The following RBFOX1 variants were observed in gnomAD, a reference collection of about 807,000 sequenced individuals.
The protein encoded by RBFOX1 is RNA binding fox-1 homolog 1, also known as RNA binding protein fox-1 homolog 1.
A neutral mutation model predicts 57.7 loss-of-function variants in RBFOX1; 8 were observed. That is an observed-to-expected ratio of 0.14 (90% CI 0.08 to 0.25). The LOEUF is 0.25. Among genes scored for constraint, RBFOX1 ranks in the 10% least tolerant of loss-of-function variants. The pLI is 1.00. For synonymous variants in RBFOX1, 326 were observed against 222.4 expected (o/e 1.47, Z -4.15); for missense variants, 611 against 548.5 (o/e 1.11, Z -1.14).
chr16:7,017,321 C>G (rs964425309), intron 3 of RBFOX1, among the ~76,000 whole-genome samples: 3 of 152,142 alleles, frequency 2.0e-5, no homozygotes, highest in Non-Finnish European at 4.4e-5. Flanking sequence ...ACTATAGATC[C>G]AGCACCTTTC....
At chr16:7,175,855 G>T (rs1189313674) in intron 4 of RBFOX1, among the ~76,000 whole-genome samples, 1 of 152,184 alleles carries the variant, frequency 6.6e-6, no homozygotes, top group South Asian at 2.1e-4. Flanking sequence ...CTTTAGAGGA[G>T]TTGAAAGGAC....
At chr16:7,416,308 C>G (rs140475940) in intron 4 of RBFOX1, among the ~76,000 whole-genome samples, 221 of 152,304 alleles carry the variant, frequency 1.5e-3, no homozygotes, top group African/African-American at 4.9e-3. Flanking sequence ...AGACTCTGAG[C>G]TTACGGACAA....
intron 3 of RBFOX1, among the ~76,000 whole-genome samples, chr16:6,802,309 C>T (rs1567310016): frequency 6.6e-6 from 1 of 152,100 alleles, no homozygotes; most frequent in Admixed American, 6.6e-5. Context: ...CACACAGGGT[C>T]CTGTTGTGCT....
chr16:7,106,214 G>A lies in RBFOX1; in HGVS notation c.27+54116G>A, dbSNP rs138488072. Among the ~76,000 whole-genome samples, 674 of 152,204 alleles carry A rather than the reference G, an allele frequency of 4.4e-3. 1 individual carries two copies. The highest frequency in any genetic ancestry group is 7.5e-3 in the Non-Finnish European group (507 of 67,996). Reference sequence around the variant, plus strand: ...GCTCTTTTTTGTTTTCGTGTGTCAGGTTCATAATGACTGTGTGTGCATGAA... The same window carrying A: ...GCTCTTTTTTGTTTTCGTGTGTCAGATTCATAATGACTGTGTGTGCATGAA... On this transcript the variant is annotated intron_variant, in intron 4 of 15. Coordinates refer to ENST00000550418, the MANE Select transcript of RBFOX1 (RefSeq NM_018723.4).
intron 2 of RBFOX1, among the ~76,000 whole-genome samples, chr16:5,589,941 C>T (rs1435789106): frequency 6.6e-6 from 1 of 152,122 alleles, no homozygotes; most frequent in Non-Finnish European, 1.5e-5. Context: ...GCCATGGTAC[C>T]AGGGTCTCCC....
chr16:6,660,641 T>C (rs879629524), intron 3 of RBFOX1, among the ~76,000 whole-genome samples: 18 of 152,196 alleles, frequency 1.2e-4, no homozygotes, highest in Non-Finnish European at 2.4e-4. Context: ...CATCTGCTTA[T>C]CTTTAAATTG....
intron 1 of RBFOX1, among the ~76,000 whole-genome samples, chr16:6,195,970 A>G (rs2152819792): frequency 6.6e-6 from 1 of 152,304 alleles, no homozygotes; most frequent in South Asian, 2.1e-4. Flanking sequence ...ATTTAAATAG[A>G]AGTCTGGATT....
intron 3 of RBFOX1, among the ~76,000 whole-genome samples, chr16:6,822,072 G>A (rs1045440340): frequency 5.9e-5 from 9 of 152,168 alleles, no homozygotes; most frequent in African/African-American, 1.9e-4. Flanking sequence ...ACTACTGCCA[G>A]TGAAATGGTT....
At chr16:6,490,462 AG>A (rs1217126266) in intron 2 of RBFOX1, among the ~76,000 whole-genome samples, 1 of 152,204 alleles carries the variant, frequency 6.6e-6, no homozygotes, top group African/African-American at 2.4e-5. Flanking sequence ...TGGGAAATAC[AG>A]GTCTGACAGG....
At chr16:7,492,088 A>C (rs1353742508) in intron 4 of RBFOX1, among the ~76,000 whole-genome samples, 1 of 152,152 alleles carries the variant, frequency 6.6e-6, no homozygotes, top group Non-Finnish European at 1.5e-5. Flanking sequence ...TTCAGCATTA[A>C]ATTTACCATG....
chr16:5,969,325 G>GTTTTTTTTTTTTTTTTTT (rs1392384342), intron 4 of RBFOX1, among the ~76,000 whole-genome samples: 4 of 120,648 alleles, frequency 3.3e-5, no homozygotes, highest in African/African-American at 3.1e-5. Context: ...TTTTTTTTTG[G>GTTTTTTTTTTTTTTTTTT]TTTGGAAATG....
intron 4 of RBFOX1, among the ~76,000 whole-genome samples, chr16:5,935,175 C>T (rs1470999712): frequency 6.6e-6 from 1 of 152,186 alleles, no homozygotes; most frequent in Admixed American, 6.5e-5. Flanking sequence ...TAATTTTTCC[C>T]ACTACCCTGA....
In RBFOX1 at chr16:7,649,947, AGG is replaced by A. The variant is rs111575235; in HGVS notation, c.758-3866_758-3865del. Among the ~76,000 whole-genome samples, 598 of 151,626 alleles carry A rather than the reference AGG, an allele frequency of 3.9e-3. 3 individuals are homozygous for A. The highest frequency in any genetic ancestry group is 0.014 in the African/African-American group (560 of 41,312). On this transcript the variant is annotated intron_variant, in intron 11 of 15. Coordinates refer to ENST00000550418, the MANE Select transcript of RBFOX1 (RefSeq NM_018723.4). ...AAGGCAGGAATTAATAAAGAAATGA[AGG>A]GAGAGGAGAGGAAGAAGAGGGAGAG...
Position 6,989,114 on chromosome 16 carries a change from C to G in RBFOX1, c.-15-62943C>G, listed in dbSNP as rs543869885. On this transcript the variant is annotated intron_variant, in intron 3 of 15. Transcript: ENST00000550418. ...ATTTCGCCATGTTGGGCAGGTTGGC[C>G]TAAACTCTTGACCTCAAGTGATCTG... 8.5e-4 allele frequency among the ~76,000 whole-genome samples: 130 copies of G among 152,154 alleles called. 1 individual carries two copies. The highest frequency in any genetic ancestry group is 3.1e-3 in the African/African-American group (127 of 41,512).
intron 1 of RBFOX1, among the ~76,000 whole-genome samples, chr16:6,027,158 C>A (rs1313575517): frequency 6.6e-6 from 1 of 152,116 alleles, no homozygotes; most frequent in Admixed American, 6.5e-5. Flanking sequence ...CTTCTTTGTA[C>A]CATGGTTGGG....
At chr16:7,700,971 G>A (rs993496551) in intron 14 of RBFOX1, among the ~76,000 whole-genome samples, 4 of 152,036 alleles carry the variant, frequency 2.6e-5, no homozygotes, top group Non-Finnish European at 5.9e-5. Flanking sequence ...TAGTTCTGAT[G>A]TATGACAGGT....
chr16:5,683,670 C>A (rs1444411818), intron 3 of RBFOX1, among the ~76,000 whole-genome samples: 2 of 151,816 alleles, frequency 1.3e-5, no homozygotes, highest in East Asian at 3.9e-4. Context: ...CCTTGCTCCT[C>A]AGCTTACACA....
At chr16:6,840,463 C>G (rs776142467) in intron 3 of RBFOX1, among the ~76,000 whole-genome samples, 2 of 152,098 alleles carry the variant, frequency 1.3e-5, no homozygotes, top group Non-Finnish European at 2.9e-5. Context: ...CTGCTATTGG[C>G]TGAATGTTCA....
chr16:7,134,354 C>T (rs954157899), intron 4 of RBFOX1, among the ~76,000 whole-genome samples: 3 of 152,062 alleles, frequency 2.0e-5, no homozygotes, highest in East Asian at 1.9e-4. Context: ...TATATATAAC[C>T]GTCAAAGACT....
Sources: gnomAD v4.1 joint callset for allele counts (sites outside exome capture counted in the v4.1 genomes callset) on GRCh38, gnomAD v4.1.1 for gene constraint, MANE v1.5 for transcripts, NCBI Gene and HGNC (gene_info 2026-07-23, HGNC 2026-07-21) for gene names.